DENND1A: variants seen among roughly 807,000 people sequenced by gnomAD.
DENND1A encodes the protein DENN domain containing 1A.
DENND1A carries 51 observed loss-of-function variants against 113.7 expected under a neutral mutation model. That is an observed-to-expected ratio of 0.45 (90% confidence interval 0.36 to 0.57). DENND1A has a LOEUF of 0.57. DENND1A is among the 20% of genes least tolerant of loss of function. The pLI is 0.00. For synonymous variants in DENND1A, 565 were observed against 570.8 expected, an observed-to-expected ratio of 0.99 and a Z score of 0.14; for missense variants, 1,258 against 1,395.9, an observed-to-expected ratio of 0.90 and a Z score of 1.57.
chr9:123,713,899 G>A (rs926246052), intron 5 of DENND1A, among the ~76,000 whole-genome samples: 7 of 152,074 alleles, frequency 4.6e-5, no homozygotes, highest in African/African-American at 1.7e-4. Flanking sequence ...TTTGACTCTA[G>A]ATCTGTCTGA....
chr9:123,602,447 T>C (rs2059976002), intron 11 of DENND1A, among the ~76,000 whole-genome samples: 2 of 152,194 alleles, frequency 1.3e-5, no homozygotes, highest in Non-Finnish European at 2.9e-5. Flanking sequence ...GCCAATTGTA[T>C]GTTACCTCTC....
intron 5 of DENND1A, among the ~76,000 whole-genome samples, chr9:123,724,441 A>C (rs187831508): frequency 6.6e-6 from 1 of 152,190 alleles, no homozygotes; most frequent in Non-Finnish European, 1.5e-5. Context: ...TGGCACAAAG[A>C]GTTAACCACC....
chr9:123,711,188 G>A (rs1008024846), intron 5 of DENND1A, among the ~76,000 whole-genome samples: 1 of 151,864 alleles, frequency 6.6e-6, no homozygotes, highest in Non-Finnish European at 1.5e-5. Context: ...ATAGAGGCCA[G>A]GTGCGGTGGC....
chr9:123,655,493 G>C (rs1457640364), intron 8 of DENND1A, among the ~76,000 whole-genome samples: 2 of 152,148 alleles, frequency 1.3e-5, no homozygotes, highest in Non-Finnish European at 2.9e-5. Context: ...TGAAGAACCC[G>C]CAGAAAAAGA....
intron 1 of DENND1A, among the ~76,000 whole-genome samples, chr9:123,901,642 T>C (rs992821561): frequency 6.6e-6 from 1 of 152,198 alleles, no homozygotes; most frequent in Non-Finnish European, 1.5e-5. Context: ...CTACAAACTC[T>C]AGAGTCCTCA....
At chr9:123,928,660 T>C (rs1337820660) in intron 1 of DENND1A, 2 of 985,330 alleles carry the variant, frequency 2.0e-6, no homozygotes, top group Non-Finnish European at 2.4e-6. Flanking sequence ...ATCTCATACA[T>C]ATTTTGTAAA....
chr9:123,819,005 G>C (rs1001307166), intron 2 of DENND1A, among the ~76,000 whole-genome samples: 2 of 152,118 alleles, frequency 1.3e-5, no homozygotes, highest in Admixed American at 6.5e-5. Context: ...CTACAAACTT[G>C]TTAAAAATAC....
At chr9:123,741,764 T>A (rs2069047441) in intron 5 of DENND1A, among the ~76,000 whole-genome samples, 1 of 152,190 alleles carries the variant, frequency 6.6e-6, no homozygotes, top group Non-Finnish European at 1.5e-5. Flanking sequence ...CAACAAATGA[T>A]AATTCCCCAA....
chr9:123,768,257 A>C (rs1048880377), intron 4 of DENND1A, among the ~76,000 whole-genome samples: 3 of 152,222 alleles, frequency 2.0e-5, no homozygotes, highest in Non-Finnish European at 4.4e-5. Context: ...TGTTAGAACC[A>C]GGGAGAGCAG....
At chr9:123,475,027 T>A (rs200497521) in intron 13 of DENND1A, among the ~76,000 whole-genome samples, 16 of 151,546 alleles carry the variant, frequency 1.1e-4, no homozygotes, top group East Asian at 9.7e-4. Flanking sequence ...TTAATTAATT[T>A]ATTTTTTTTT....
intron 13 of DENND1A, among the ~76,000 whole-genome samples, chr9:123,488,924 G>A (rs2133926842): frequency 6.6e-6 from 1 of 152,270 alleles, no homozygotes; most frequent in South Asian, 2.1e-4. Flanking sequence ...CTTACAATTC[G>A]GCCAGGCAGG....
chr9:123,772,313 C>A (rs1474555119), intron 3 of DENND1A, among the ~76,000 whole-genome samples: 1 of 152,074 alleles, frequency 6.6e-6, no homozygotes, highest in African/African-American at 2.4e-5. Flanking sequence ...GCTTTAAAAT[C>A]CTGATTTAAA....
At chr9:123,912,167 G>A (rs1854114283) in intron 1 of DENND1A, among the ~76,000 whole-genome samples, 1 of 152,068 alleles carries the variant, frequency 6.6e-6, no homozygotes, top group Non-Finnish European at 1.5e-5. Flanking sequence ...TGATATAACA[G>A]CAAAAAATTT....
intron 2 of DENND1A, among the ~76,000 whole-genome samples, chr9:123,816,062 A>G (rs976851364): frequency 7.2e-6 from 1 of 139,568 alleles, no homozygotes; most frequent in Non-Finnish European, 1.5e-5. Context: ...GTGCGGTGGC[A>G]CAATCCTGGC....
chr9:123,791,458 A>G (rs888284706), intron 3 of DENND1A, among the ~76,000 whole-genome samples: 2 of 152,150 alleles, frequency 1.3e-5, no homozygotes, highest in African/African-American at 2.4e-5. Context: ...AATCTTATTT[A>G]AAAGTCTTGA....
chr9:123,611,280 G>T (rs1312589957), intron 10 of DENND1A, among the ~76,000 whole-genome samples: 1 of 151,952 alleles, frequency 6.6e-6, no homozygotes, highest in Non-Finnish European at 1.5e-5. Flanking sequence ...CCCTTAAACT[G>T]TAAACCATTA....
chr9:123,691,423 A>C lies in DENND1A; in HGVS notation c.303-14634T>G, dbSNP rs374072735. On this transcript the variant is annotated intron_variant, in intron 5 of 23. Coordinates refer to ENST00000394215, the MANE Select transcript of DENND1A (RefSeq NM_001352964.2). ...GAGGAAGGCGAACTGGATGAAACAG[A>C]AGCACATTCTGTCTGGAGGAAACCA... Among the ~76,000 whole-genome samples the C allele has an allele frequency of 3.9e-5, 6 of 152,328 alleles. No homozygotes were observed. In the East Asian group the frequency reaches 5.8e-4, roughly 15 times the overall value.
intron 11 of DENND1A, among the ~76,000 whole-genome samples, chr9:123,586,839 A>G (rs1440417531): frequency 6.6e-6 from 1 of 152,150 alleles, no homozygotes; most frequent in Non-Finnish European, 1.5e-5. Flanking sequence ...CCATGCCATC[A>G]GTCAGGGACA....
intron 13 of DENND1A, among the ~76,000 whole-genome samples, chr9:123,469,196 G>A (rs2049194246): frequency 6.6e-6 from 1 of 152,174 alleles, no homozygotes; most frequent in Non-Finnish European, 1.5e-5. Flanking sequence ...CGGTGGCCGA[G>A]GCATGTCAGA....
Sources: allele counts gnomAD v4.1 joint callset (sites outside exome capture counted in the v4.1 genomes callset), GRCh38; gene constraint gnomAD v4.1.1; transcripts MANE v1.5; gene names NCBI Gene and HGNC (gene_info 2026-07-23, HGNC 2026-07-21).